The following RIMS2 variants were observed in gnomAD, a reference collection of about 807,000 sequenced individuals.
RIMS2 encodes the protein regulating synaptic membrane exocytosis 2, also known as regulating synaptic membrane exocytosis protein 2.
Under a neutral mutation model 174.4 loss-of-function variants are expected in RIMS2, and 59 were observed. The observed-to-expected ratio is 0.34, with a 90% CI of 0.27 to 0.42. The LOEUF (loss-of-function observed/expected upper bound fraction) is 0.42, where lower values mean the gene tolerates loss of function less well. RIMS2 is among the 10% of genes least tolerant of loss of function. The pLI is 1.00. For missense variants in RIMS2, 1,620 were observed against 1,666.3 expected (o/e 0.97, Z 0.48); for synonymous variants, 606 against 572.5 (o/e 1.06, Z -0.84).
intron 1 of RIMS2, among the ~76,000 whole-genome samples, chr8:103,549,387 G>A (rs1164201830): frequency 6.6e-6 from 1 of 152,094 alleles, no homozygotes; most frequent in Non-Finnish European, 1.5e-5. Flanking sequence ...ATAAGTGCAG[G>A]AGAAACAAAA....
Position 104,111,750 on chromosome 8 carries a change from C to G in RIMS2, c.3334+97135C>G, listed in dbSNP as rs374009667. On this transcript the variant is annotated intron_variant, in intron 19 of 23. Transcript: ENST00000504942. Reference sequence around the variant, plus strand: ...GTCTTTTTCTATGCTTCCAACAATACGTTGGCTTGGAAACATTAGCTGTAA... The same window carrying G: ...GTCTTTTTCTATGCTTCCAACAATAGGTTGGCTTGGAAACATTAGCTGTAA... 4.6e-5 allele frequency among the ~76,000 whole-genome samples: 7 copies of G among 152,256 alleles called. No individual in the cohort carries two copies. The East Asian group carries it at 5.8e-4, about 13-fold the overall frequency.
At chr8:103,795,083 G>T (rs901703585) in intron 3 of RIMS2, among the ~76,000 whole-genome samples, 18 of 152,276 alleles carry the variant, frequency 1.2e-4, no homozygotes, top group Non-Finnish European at 2.1e-4. Flanking sequence ...TCCCATTACT[G>T]GGTATATACC....
chr8:103,593,878 A>G (rs974344713), intron 1 of RIMS2, among the ~76,000 whole-genome samples: 13 of 151,388 alleles, frequency 8.6e-5, no homozygotes, highest in Admixed American at 4.6e-4. Context: ...TATATATATA[A>G]CTTATTAAAC....
intron 1 of RIMS2, among the ~76,000 whole-genome samples, chr8:103,607,351 G>C (rs1346086784): frequency 1.3e-5 from 2 of 151,918 alleles, no homozygotes; most frequent in Non-Finnish European, 2.9e-5. Context: ...CTGGCTTGTA[G>C]GGTTTCTGCT....
intron 19 of RIMS2, among the ~76,000 whole-genome samples, chr8:104,035,713 A>C (rs2096498302): frequency 6.6e-6 from 1 of 152,152 alleles, no homozygotes; most frequent in South Asian, 2.1e-4. Flanking sequence ...TTTAGTCTAA[A>C]GCAGTATTCC....
At chr8:104,085,698 T>G (rs901055868) in intron 19 of RIMS2, among the ~76,000 whole-genome samples, 1 of 152,144 alleles carries the variant, frequency 6.6e-6, no homozygotes, top group African/African-American at 2.4e-5. Flanking sequence ...AATGACTAAG[T>G]AATATTTCTT....
intron 1 of RIMS2, among the ~76,000 whole-genome samples, chr8:103,626,515 A>C (rs1041023237): frequency 8.5e-5 from 13 of 152,264 alleles, no homozygotes; most frequent in African/African-American, 3.1e-4. Context: ...AAAAACTACA[A>C]ACAAGTTAAA....
In RIMS2 at chr8:104,221,439, A is replaced by G. The variant is rs560047792; in HGVS notation, c.3335-23477A>G. ...AGGTGACTTTTAATAAAGTCCTTGC[A>G]GTTTCTAAAATTCTATGATTCTTAT... On this transcript the variant is annotated intron_variant, in intron 19 of 23. Coordinates refer to ENST00000504942, the Ensembl canonical transcript of RIMS2. Among the ~76,000 whole-genome samples the G allele has an allele frequency of 1.4e-4, 21 of 152,336 alleles. No homozygotes were observed. The South Asian group carries it at 4.1e-3, about 30-fold the overall frequency.
At chr8:104,139,745 C>A (rs930890714) in intron 19 of RIMS2, among the ~76,000 whole-genome samples, 4 of 152,096 alleles carry the variant, frequency 2.6e-5, no homozygotes, top group Non-Finnish European at 5.9e-5. Flanking sequence ...AATTTGGATG[C>A]CCTTTGTTTA....
At chr8:104,209,018 T>C (rs1229125058) in intron 19 of RIMS2, among the ~76,000 whole-genome samples, 1 of 152,192 alleles carries the variant, frequency 6.6e-6, no homozygotes, top group Non-Finnish European at 1.5e-5. Flanking sequence ...ATGGGGTAAT[T>C]AGAAAGCTTT....
intron 14 of RIMS2, among the ~76,000 whole-genome samples, chr8:103,952,012 C>T (rs1030266101): frequency 1.3e-5 from 2 of 152,188 alleles, no homozygotes; most frequent in African/African-American, 4.8e-5. Context: ...TGGAGCCCAC[C>T]ACAGCTCAGC....
At chr8:103,832,576 G>A (rs1460734468) in intron 3 of RIMS2, among the ~76,000 whole-genome samples, 4 of 151,896 alleles carry the variant, frequency 2.6e-5, no homozygotes, top group Non-Finnish European at 5.9e-5. Flanking sequence ...TGTGTTGTTC[G>A]CCTCTATGTG....
intron 19 of RIMS2, among the ~76,000 whole-genome samples, chr8:104,161,747 CCA>C (rs555579642): frequency 2.3e-4 from 35 of 152,296 alleles, no homozygotes; most frequent in African/African-American, 8.2e-4. Flanking sequence ...TCTCACAAGA[CCA>C]AAATCAAGGT....
chr8:103,651,991 A>G (rs1589726308), intron 1 of RIMS2, among the ~76,000 whole-genome samples: 1 of 152,196 alleles, frequency 6.6e-6, no homozygotes. Context: ...ACAGAGGTAG[A>G]ATTTTAATAT....
chr8:103,530,480 A>G (rs1036617644), intron 1 of RIMS2, among the ~76,000 whole-genome samples: 10 of 152,144 alleles, frequency 6.6e-5, no homozygotes, highest in Non-Finnish European at 1.2e-4. Context: ...ACAGAATCCA[A>G]CTGTATGCTA....
At chr8:104,203,715 T>C (rs572361222) in intron 19 of RIMS2, among the ~76,000 whole-genome samples, 11 of 152,066 alleles carry the variant, frequency 7.2e-5, no homozygotes, top group East Asian at 3.9e-4. Context: ...TGTTGGCTAG[T>C]CTAGTGTCAA....
intron 19 of RIMS2, among the ~76,000 whole-genome samples, chr8:104,102,985 A>G (rs1296905933): frequency 6.6e-6 from 1 of 152,212 alleles, no homozygotes; most frequent in Non-Finnish European, 1.5e-5. Context: ...TCAGAGAAAA[A>G]GATCTCTGCT....
chr8:104,209,673 T>C (rs2099096866), intron 19 of RIMS2, among the ~76,000 whole-genome samples: 1 of 152,224 alleles, frequency 6.6e-6, no homozygotes, highest in Non-Finnish European at 1.5e-5. Flanking sequence ...TGTATACTAA[T>C]GTGCCTGAAG....
intron 1 of RIMS2, among the ~76,000 whole-genome samples, chr8:103,599,421 TA>T (rs774396685): frequency 6.8e-6 from 1 of 147,716 alleles, no homozygotes; most frequent in Non-Finnish European, 1.5e-5. Context: ...AATATATAAA[TA>T]AATATATATG....
Sources: allele counts gnomAD v4.1 joint callset (sites outside exome capture counted in the v4.1 genomes callset), GRCh38; gene constraint gnomAD v4.1.1; transcripts MANE v1.5; gene names NCBI Gene and HGNC (gene_info 2026-07-23, HGNC 2026-07-21).